ZBTB7C: variants seen among roughly 807,000 people sequenced by gnomAD.
The protein encoded by ZBTB7C is zinc finger and BTB domain containing 7C.
Under a neutral mutation model 25.7 loss-of-function variants are expected in ZBTB7C, and 8 were observed. The observed-to-expected ratio is 0.31, with a 90% CI of 0.18 to 0.56. The LOEUF (loss-of-function observed/expected upper bound fraction) is 0.56. Ranked by LOEUF, ZBTB7C falls within the 20% of genes least tolerant of loss-of-function variation. ZBTB7C has a pLI of 0.91. For missense variants in ZBTB7C, 824 were observed against 855.2 expected (o/e 0.96, Z 0.46); for synonymous variants, 394 against 369.0 (o/e 1.07, Z -0.78).
At chr18:48,412,172 G>A (rs1374231131), upstream of ZBTB7C, among the ~76,000 whole-genome samples, 1 of 152,172 alleles carries the variant, frequency 6.6e-6, no homozygotes, top group East Asian at 1.9e-4. Flanking sequence ...ATTCATTAAG[G>A]GGTTACTGTG....
intron 3 of ZBTB7C, among the ~76,000 whole-genome samples, chr18:48,072,922 T>TTC (rs1219747150): frequency 5.0e-4 from 76 of 152,302 alleles, no homozygotes; most frequent in African/African-American, 1.4e-3. Context: ...GAGTGCAGCC[T>TTC]GGAGTTCCCT....
intron 3 of ZBTB7C, among the ~76,000 whole-genome samples, chr18:48,060,661 G>T (rs1219980363): frequency 1.3e-5 from 2 of 152,134 alleles, no homozygotes; most frequent in Non-Finnish European, 2.9e-5. Flanking sequence ...CATCCTTTAA[G>T]ACTTGGCCCA....
At chr18:48,277,077 T>C (rs1351652531) in intron 2 of ZBTB7C, among the ~76,000 whole-genome samples, 3 of 150,780 alleles carry the variant, frequency 2.0e-5, no homozygotes, top group South Asian at 2.1e-4. Flanking sequence ...ATTCAGGACA[T>C]AGGCATGGGC....
At chr18:48,057,893 AG>A (rs2036978598) in intron 3 of ZBTB7C, among the ~76,000 whole-genome samples, 1 of 152,210 alleles carries the variant, frequency 6.6e-6, no homozygotes, top group African/African-American at 2.4e-5. Flanking sequence ...ATTCAACTGC[AG>A]GACATTAGAG....
chr18:48,311,678 C>T (rs1249710322), intron 2 of ZBTB7C, among the ~76,000 whole-genome samples: 1 of 152,138 alleles, frequency 6.6e-6, no homozygotes, highest in African/African-American at 2.4e-5. Flanking sequence ...CATCTGATGG[C>T]AAATCTGTGA....
intron 1 of ZBTB7C, among the ~76,000 whole-genome samples, chr18:48,404,124 C>T (rs1366719074): frequency 2.0e-5 from 3 of 152,096 alleles, no homozygotes; most frequent in South Asian, 2.1e-4. Flanking sequence ...ATGGCGGGGC[C>T]GCCTATAATC....
chr18:48,334,884 G>A (rs1464325055), intron 2 of ZBTB7C, among the ~76,000 whole-genome samples: 6 of 152,202 alleles, frequency 3.9e-5, no homozygotes, highest in Non-Finnish European at 8.8e-5. Flanking sequence ...GATCCCAAGA[G>A]AGGTGGGATG....
intron 3 of ZBTB7C, among the ~76,000 whole-genome samples, chr18:48,056,195 G>C (rs761815190): frequency 1.3e-4 from 20 of 152,190 alleles, no homozygotes; most frequent in African/African-American, 2.2e-4. Flanking sequence ...GATCCATACA[G>C]AGACTGTTTT....
At chr18:48,113,080 C>T (rs1316877338) in intron 3 of ZBTB7C, among the ~76,000 whole-genome samples, 1 of 152,284 alleles carries the variant, frequency 6.6e-6, no homozygotes, top group Admixed American at 6.5e-5. Context: ...ACTGGTAAGT[C>T]GATGGGGTGA....
chr18:48,192,268 G>C (rs1347403374), intron 2 of ZBTB7C, among the ~76,000 whole-genome samples: 1 of 152,148 alleles, frequency 6.6e-6, no homozygotes, highest in African/African-American at 2.4e-5. Context: ...GCACGACTAT[G>C]GAAACAGTAA....
chr18:48,231,851 G>A (rs1441929519), intron 2 of ZBTB7C, among the ~76,000 whole-genome samples: 1 of 152,228 alleles, frequency 6.6e-6, no homozygotes, highest in African/African-American at 2.4e-5. Context: ...GCACCACCAA[G>A]TTCCCCAGTG....
chr18:48,391,633 T>C (rs781644729), intron 1 of ZBTB7C, among the ~76,000 whole-genome samples: 3 of 152,232 alleles, frequency 2.0e-5, no homozygotes, highest in Non-Finnish European at 4.4e-5. Context: ...AAGTGAACCC[T>C]CCTTCTTTCT....
At chr18:48,382,144 A>T (rs1354554192) in intron 1 of ZBTB7C, among the ~76,000 whole-genome samples, 1 of 152,234 alleles carries the variant, frequency 6.6e-6, no homozygotes, top group Non-Finnish European at 1.5e-5. Context: ...CACTAGTAGG[A>T]AGCCAATACT....
At chr18:48,308,034 A>G (rs1417994254) in intron 2 of ZBTB7C, among the ~76,000 whole-genome samples, 1 of 152,156 alleles carries the variant, frequency 6.6e-6, no homozygotes, top group Non-Finnish European at 1.5e-5. Flanking sequence ...GACCATGCCA[A>G]TCTATCCCTT....
At chr18:48,366,598 T>C (rs1037268369) in intron 1 of ZBTB7C, among the ~76,000 whole-genome samples, 14 of 152,162 alleles carry the variant, frequency 9.2e-5, no homozygotes, top group Non-Finnish European at 1.0e-4. Context: ...TACAAGTCCA[T>C]AAGAAAGGCC....
intron 2 of ZBTB7C, among the ~76,000 whole-genome samples, chr18:48,279,809 G>A (rs1225239779): frequency 1.3e-5 from 2 of 152,328 alleles, no homozygotes; most frequent in Middle Eastern, 3.4e-3. Context: ...CACTGAACCT[G>A]CCTCTGCACT....
At chr18:48,176,938 C>G (rs1032621367) in intron 3 of ZBTB7C, among the ~76,000 whole-genome samples, 1 of 152,234 alleles carries the variant, frequency 6.6e-6, no homozygotes, top group Admixed American at 6.5e-5. Context: ...TTCACTTGAC[C>G]TCTCGCGTCT....
chr18:48,397,928 C>A (rs1451121049), intron 1 of ZBTB7C, among the ~76,000 whole-genome samples: 2 of 152,200 alleles, frequency 1.3e-5, no homozygotes, highest in African/African-American at 2.4e-5. Flanking sequence ...GGGATCACAG[C>A]TTCCCTACCT....
chr18:48,158,360 T>C lies in ZBTB7C; in HGVS notation c.-17+27574A>G, dbSNP rs2040900879. Reference sequence around the variant, plus strand: ...GGATGACCATGGGTCGGAATGATGCTTCCCAAAGCCACCGACACACACACA... The same window carrying C: ...GGATGACCATGGGTCGGAATGATGCCTCCCAAAGCCACCGACACACACACA... On this transcript the variant is annotated intron_variant, in intron 3 of 4. Coordinates refer to ENST00000590800, the MANE Select transcript of ZBTB7C (RefSeq NM_001318841.2). 2.0e-5 allele frequency among the ~76,000 whole-genome samples: 3 copies of C among 152,232 alleles called. No homozygotes were observed. The South Asian group carries it at 6.2e-4, about 32-fold the overall frequency.
Sources: gnomAD v4.1 joint callset for allele counts (sites outside exome capture counted in the v4.1 genomes callset) on GRCh38, gnomAD v4.1.1 for gene constraint, MANE v1.5 for transcripts, NCBI Gene and HGNC (gene_info 2026-07-23, HGNC 2026-07-21) for gene names.